ANKRD36C: variants seen among roughly 807,000 people sequenced by gnomAD.
ANKRD36C encodes ankyrin repeat domain 36C.
ANKRD36C carries 61 observed loss-of-function variants against 276.4 expected under a neutral mutation model. That is an observed-to-expected ratio of 0.22 (90% CI 0.18 to 0.27). The LOEUF is 0.27. Among genes scored for constraint, ANKRD36C ranks in the 10% least tolerant of loss-of-function variants. The probability of loss-of-function intolerance (pLI) is 1.00; values close to 1 mark genes in which losing one functional copy is unlikely to be tolerated. For missense variants in ANKRD36C, 1,447 were observed against 2,032.3 expected, an observed-to-expected ratio of 0.71 and a Z score of 5.54; for synonymous variants, 483 against 680.1, an observed-to-expected ratio of 0.71 and a Z score of 4.51.
intron 52 of ANKRD36C, among the ~76,000 whole-genome samples, chr2:95,884,938 T>G (rs1345788485): frequency 6.6e-6 from 1 of 152,042 alleles, no homozygotes; most frequent in East Asian, 1.9e-4. Flanking sequence ...TAATATTTAT[T>G]ATTCCTCACA....
Position 95,895,701 on chromosome 2 carries a change from G to A in ANKRD36C, c.2755+3444C>T, listed in dbSNP as rs1387225633. On this transcript the variant is annotated intron_variant, in intron 44 of 66. Coordinates refer to ENST00000456556, the Ensembl canonical transcript of ANKRD36C. ...TGTCCTCCTGCCTGTATTAGTGGAG[G>A]CTTTCATGGCTTCTACTTTGTCTCA... The A allele has an allele frequency of 3.2e-5, 49 of 1,518,798 alleles. No homozygotes were observed. The East Asian group carries it at 1.1e-3, about 34-fold the overall frequency. 94.1% of individuals were successfully genotyped at this position (1,518,798 alleles called of 1,614,324 possible). A position where few individuals can be genotyped will look rare whatever the true frequency, so the allele number is the denominator to read the frequency against.
exon 1 of ANKRD36C, chr2:95,991,670 C>T: frequency 1.2e-6 from 2 of 1,613,968 alleles, no homozygotes; most frequent in Non-Finnish European, 1.7e-6. Flanking sequence ...ACAAGCGGTC[C>T]CTGAGGGTGG....
intron 61 of ANKRD36C, among the ~76,000 whole-genome samples, chr2:95,859,490 G>T (rs1675511851): frequency 6.6e-6 from 1 of 152,038 alleles, no homozygotes; most frequent in Non-Finnish European, 1.5e-5. Context: ...TTAACCAGAA[G>T]AATTTATCCA....
At chr2:95,921,397 G>A (rs1677263115) in intron 34 of ANKRD36C, among the ~76,000 whole-genome samples, 1 of 151,510 alleles carries the variant, frequency 6.6e-6, no homozygotes, top group South Asian at 2.1e-4. Flanking sequence ...ACGTGGGGAA[G>A]TGTATAATCA....
At chr2:95,958,951 T>C (rs1485076814) in intron 10 of ANKRD36C, among the ~76,000 whole-genome samples, 166 bp from the exon 11 acceptor site, 2 of 152,278 alleles carry the variant, frequency 1.3e-5, no homozygotes, top group East Asian at 1.9e-4. Flanking sequence ...AATTACACTG[T>C]AGAAAACAGA....
rs1679136206 is a variant in ANKRD36C, at chr2:95,991,409, C to T, written c.197+103G>A. On this transcript the variant is annotated intron_variant, in intron 1 of 66. Transcript: ENST00000456556. ...GGCACCCCCTAGCCCCCGTCCATAC[C>T]CCGAGCCCCGGACCATCCGCCCCGC... The T allele has an allele frequency of 2.9e-6, 4 of 1,359,126 alleles. No individual in the cohort carries two copies. The South Asian group carries it at 4.3e-5, about 15-fold the overall frequency. 84.2% of individuals were successfully genotyped at this position (1,359,126 alleles called of 1,614,324 possible).
At chr2:95,945,611 TTAGTAGTACTATCTTTAA>T (rs1284476298) in intron 17 of ANKRD36C, among the ~76,000 whole-genome samples, 1 of 151,936 alleles carries the variant, frequency 6.6e-6, no homozygotes, top group Non-Finnish European at 1.5e-5. Flanking sequence ...AATGTAGTTT[TTAGTAGTACTATCTTTAA>T]ACAGTGTAAG....
chr2:95,913,778 G>A (rs62153698), intron 40 of ANKRD36C, among the ~76,000 whole-genome samples: 4,036 of 151,470 alleles, frequency 0.027, 84 homozygotes, highest in Non-Finnish European at 0.041. Flanking sequence ...TAAATTCTAT[G>A]CTTCCTCTCT....
At chr2:95,936,505 G>C (rs1677721494) in intron 22 of ANKRD36C, among the ~76,000 whole-genome samples, 1 of 152,258 alleles carries the variant, frequency 6.6e-6, no homozygotes, top group Non-Finnish European at 1.5e-5. Context: ...AAAGAATTGA[G>C]TCCCTGTGGT....
At chr2:95,883,645 G>A (rs915642459) in intron 54 of ANKRD36C, among the ~76,000 whole-genome samples, 1 of 151,910 alleles carries the variant, frequency 6.6e-6, no homozygotes, top group Admixed American at 6.6e-5. Context: ...CTGAACTCAC[G>A]TTTCCTCAGA....
intron 14 of ANKRD36C, among the ~76,000 whole-genome samples, chr2:95,953,403 T>C (rs1364056547): frequency 3.3e-5 from 5 of 152,008 alleles, no homozygotes; most frequent in Non-Finnish European, 5.9e-5. Flanking sequence ...TTTAGTCTAA[T>C]TACAGAGCCA....
intron 6 of ANKRD36C, among the ~76,000 whole-genome samples, chr2:95,962,899 G>A (rs1269932585): frequency 1.2e-4 from 18 of 152,018 alleles, no homozygotes; most frequent in Admixed American, 1.2e-3. Context: ...GTCAAAGCAG[G>A]TGGTACATGC....
chr2:95,970,744 C>T (rs2579541), intron 6 of ANKRD36C, among the ~76,000 whole-genome samples: 1 of 152,288 alleles, frequency 6.6e-6, no homozygotes, highest in South Asian at 2.1e-4. Flanking sequence ...TGTATGCCTA[C>T]AGTATTCACT....
Position 95,917,945 on chromosome 2 carries a change from G to A in ANKRD36C, c.2275-18C>T. On this transcript the variant is annotated intron_variant, in intron 35 of 66. Coordinates refer to ENST00000456556, the Ensembl canonical transcript of ANKRD36C. ...GTTGTAGCCTGAATGGAATTTGAAA[G>A]AAAATAATAAATAAATAAATCAATG... 6.2e-7 allele frequency: 1 copy of A among 1,601,836 alleles called. No individual in the cohort carries two copies. Among genetic ancestry groups the A allele is most frequent in the Non-Finnish European group, 8.5e-7 (1 of 1,174,596 alleles).
chr2:95,852,220 T>C (rs965716733), intron 64 of ANKRD36C, 24 bp from the exon 85 acceptor site: 1 of 1,568,682 alleles, frequency 6.4e-7, no homozygotes, highest in African/African-American at 1.4e-5. Flanking sequence ...TTTTAAAAAA[T>C]TACATTTGGA....
chr2:95,875,747 T>C (rs1486275736), intron 59 of ANKRD36C, among the ~76,000 whole-genome samples: 1 of 152,180 alleles, frequency 6.6e-6, no homozygotes, highest in African/African-American at 2.4e-5. Context: ...TGTAATATGA[T>C]TGACAGTGTT....
chr2:95,945,801 G>A (rs1573792025), intron 17 of ANKRD36C, among the ~76,000 whole-genome samples: 1 of 152,396 alleles, frequency 6.6e-6, no homozygotes, highest in East Asian at 1.9e-4. Context: ...TAAGTATCCT[G>A]ACAACAGAAA....
chr2:95,963,860 C>T (rs1678512720), intron 6 of ANKRD36C, among the ~76,000 whole-genome samples: 1 of 124,780 alleles, frequency 8.0e-6, no homozygotes, highest in African/African-American at 3.1e-5. Flanking sequence ...TAATCAGATT[C>T]CCATGTAAAT....
intron 6 of ANKRD36C, among the ~76,000 whole-genome samples, chr2:95,974,773 AG>A (rs1461539807): frequency 6.6e-6 from 1 of 151,276 alleles, no homozygotes; most frequent in Admixed American, 6.6e-5. Flanking sequence ...ATTTAGCATT[AG>A]GTAGATCTCC....
Sources: allele counts gnomAD v4.1 joint callset (sites outside exome capture counted in the v4.1 genomes callset), GRCh38; gene constraint gnomAD v4.1.1; transcripts MANE v1.5; gene names NCBI Gene and HGNC (gene_info 2026-07-23, HGNC 2026-07-21).